GNAS: variants seen among roughly 807,000 people sequenced by gnomAD.
The protein encoded by GNAS is GNAS complex locus.
A neutral mutation model predicts 54.5 loss-of-function variants in GNAS; 8 were observed. The observed-to-expected ratio is 0.15, with a 90% CI of 0.09 to 0.26. GNAS has a LOEUF of 0.26. GNAS is among the 10% of genes least tolerant of loss of function. GNAS has a pLI of 1.00. For missense variants in GNAS, 170 were observed against 529.8 expected (o/e 0.32, Z 6.67); for synonymous variants, 204 against 191.4 (o/e 1.07, Z -0.54).
At chr20:58,903,410 GA>G (rs2090809432) in intron 3 of GNAS, 120 bp from the exon 4 acceptor site, 1 of 877,456 alleles carries the variant, frequency 1.1e-6, no homozygotes, top group African/African-American at 1.7e-5. Flanking sequence ...GCACAGATCC[GA>G]ACCCACAACT....
Position 58,910,958 on chromosome 20 carries a change from A to C in GNAS, c.*129A>C. 2 of 941,902 alleles carry C rather than the reference A, an allele frequency of 2.1e-6. No homozygotes were observed. Among genetic ancestry groups the C allele is most frequent in the Middle Eastern group, 2.1e-4 (1 of 4,730 alleles). The allele number at this position is 941,902 out of a possible 1,614,324, so 58.3% of individuals were successfully genotyped here. ...AGCAACCTTTCCCTTCCCCCGAGTG[A>C]TTTTGCGAAACCCCCTTTTCCCTTC... On this transcript the variant is annotated 3_prime_UTR_variant, in exon 13 of 13. Transcript: ENST00000371085. This position sits in a 1 kb window ranked among gnomAD's most constrained non-coding sequence, Gnocchi z 5.8.
intron 1 of GNAS, among the ~76,000 whole-genome samples, chr20:58,886,164 A>G (rs1261615192): frequency 6.6e-6 from 1 of 152,238 alleles, no homozygotes; most frequent in Non-Finnish European, 1.5e-5. Context: ...TGCCTTTATC[A>G]CCACGAAGCT....
At chr20:58,889,286 T>C, upstream of GNAS, 2 of 996,470 alleles carry the variant, frequency 2.0e-6, no homozygotes, top group Non-Finnish European at 2.4e-6. Flanking sequence ...CGAGCCCCTG[T>C]CCCGGCGCGG....
chr20:58,906,836 G>A (rs138427388), intron 6 of GNAS, among the ~76,000 whole-genome samples: 9 of 152,266 alleles, frequency 5.9e-5, no homozygotes, highest in African/African-American at 2.2e-4. Flanking sequence ...AGCCAAAAAT[G>A]TAAAGATATC....
At position 58,903,558 on chromosome 20, in the gene GNAS, C is replaced by G; in HGVS notation, c.285C>G (p.Ile95Met). 1 of 1,614,132 alleles carries G rather than the reference C, an allele frequency of 6.2e-7. No individual in the cohort carries two copies. Among genetic ancestry groups the G allele is most frequent in the Admixed American group, 1.7e-5 (1 of 60,026 alleles). The change falls in exon 4 of 13, where the codon ATC (isoleucine) becomes ATG (methionine). Residue 95 changes from isoleucine to methionine, a missense_variant. Around this residue, in one of 3 missense-constraint regions of GNAS, gnomAD observed 78 missense variants for 251.1 expected, o/e 0.31. Coordinates refer to ENST00000371085, the MANE Select transcript of GNAS (RefSeq NM_000516.7). ...DGEKATKVQDIKNNLKEAIET... is the reference protein window; with the variant it reads ...DGEKATKVQDMKNNLKEAIET... ...AGAAGGCAACCAAAGTGCAGGACATCAAAAACAACCTGAAAGAGGCGATTG... is the reference window on the plus strand; with the variant it reads ...AGAAGGCAACCAAAGTGCAGGACATGAAAAACAACCTGAAAGAGGCGATTG...
At chr20:58,879,997 C>T (rs2088118949) in intron 1 of GNAS, among the ~76,000 whole-genome samples, 1 of 152,096 alleles carries the variant, frequency 6.6e-6, no homozygotes, top group South Asian at 2.1e-4. Context: ...CTCCCCAACC[C>T]AAACCTTTTA....
Position 58,910,231 on chromosome 20 carries a change from G to A in GNAS, c.971-103G>A, listed in dbSNP as rs1309749620. 1 of 1,259,108 alleles carries A rather than the reference G, an allele frequency of 7.9e-7. No homozygotes were observed. Among genetic ancestry groups the A allele is most frequent in the African/African-American group, 1.5e-5 (1 of 67,992 alleles). 78.0% of individuals were successfully genotyped at this position (1,259,108 alleles called of 1,614,324 possible). On this transcript the variant is annotated intron_variant, in intron 11 of 12. Coordinates refer to ENST00000371085, the MANE Select transcript of GNAS (RefSeq NM_000516.7). This position sits in a 1 kb window ranked among gnomAD's most constrained non-coding sequence, Gnocchi z 5.8. The stretch of plus-strand genomic sequence containing the variant: ...AACGCACTCCCACTAATTCTCATAT[G>A]GAAAAATCAGGGTTTTGAAGACTTC...
rs1058909 is a variant in GNAS, at chr20:58,911,048, A to G, written c.*219A>G. The stretch of plus-strand genomic sequence containing the variant: ...GCCTACAGAAAAAGGAAAAAAGGCC[A>G]CAAAAGTTCCCTCTCACTTTCAGTA... On this transcript the variant is annotated 3_prime_UTR_variant, in exon 13 of 13. Transcript: ENST00000371085. The G allele has an allele frequency of 2.9e-6, 2 of 678,166 alleles. No individual in the cohort carries two copies. Among genetic ancestry groups the G allele is most frequent in the Non-Finnish European group, 5.4e-6 (2 of 371,970 alleles). The allele number at this position is 678,166 out of a possible 1,614,324, so 42.0% of individuals were successfully genotyped here.
intron 1 of GNAS, chr20:58,843,492 C>T (rs112667697): frequency 3.9e-5 from 6 of 152,436 alleles, no homozygotes; most frequent in African/African-American, 1.4e-4. Flanking sequence ...CTTTGCCCCA[C>T]CCTGCTCAAC....
intron 1 of GNAS, among the ~76,000 whole-genome samples, chr20:58,879,908 A>T (rs966661207): frequency 6.6e-6 from 1 of 152,236 alleles, no homozygotes; most frequent in East Asian, 1.9e-4. Context: ...GCCAGCAAAA[A>T]ATAAGGTTGA....
At chr20:58,899,899 G>A in intron 3 of GNAS, 1 of 717,410 alleles carries the variant, frequency 1.4e-6, no homozygotes, top group Non-Finnish European at 2.6e-6. Flanking sequence ...AAGATATTGG[G>A]GTCTGGGGAC....
Position 58,856,047 on chromosome 20 carries a change from A to C in GNAS, c.43+15161A>C. The stretch of plus-strand genomic sequence containing the variant: ...AGGTGGCGGGGCCTCCCGGGAAATA[A>C]GCGGGGCCCTTGGCCTGGGGGAGCG... On this transcript the variant is annotated intron_variant, in intron 1 of 12. Coordinates refer to the GNAS transcript ENST00000306090. This position sits in a 1 kb window ranked among gnomAD's most constrained non-coding sequence, Gnocchi z 4.2. 1 of 191,634 alleles carries C rather than the reference A, an allele frequency of 5.2e-6. No individual in the cohort carries two copies. The highest frequency in any genetic ancestry group is 1.3e-4 in the East Asian group (1 of 7,920). The allele number at this position is 191,634 out of a possible 1,614,324, so 11.9% of individuals were successfully genotyped here.
chr20:58,887,292 G>A (rs2088655786), upstream of GNAS, among the ~76,000 whole-genome samples: 1 of 152,214 alleles, frequency 6.6e-6, no homozygotes, highest in Non-Finnish European at 1.5e-5. Context: ...TGAACAAATG[G>A]AGCATAACAA....
At chr20:58,907,538 G>A (rs527827334) in intron 6 of GNAS, among the ~76,000 whole-genome samples, 1 of 152,218 alleles carries the variant, frequency 6.6e-6, no homozygotes, top group Admixed American at 6.5e-5. Context: ...ATGCTGGGGG[G>A]GCAGGGAGAC....
At position 58,910,456 on chromosome 20, in the gene GNAS, A is replaced by T. The variant is rs2091363620; in HGVS notation, c.1038+55A>T. 1 of 1,386,952 alleles carries T rather than the reference A, an allele frequency of 7.2e-7. No homozygotes were observed. Among genetic ancestry groups the T allele is most frequent in the Non-Finnish European group, 1.0e-6 (1 of 973,714 alleles). The allele number at this position is 1,386,952 out of a possible 1,614,324, so 85.9% of individuals were successfully genotyped here. On this transcript the variant is annotated intron_variant, in intron 12 of 12. Transcript: ENST00000371085. This position sits in a 1 kb window ranked among gnomAD's most constrained non-coding sequence, Gnocchi z 5.8. ...CTTGTTCCTCCTCTTTTTCTCATGG[A>T]TGTAAATTTACTTAATTCCAAATTC...
intron 3 of GNAS, among the ~76,000 whole-genome samples, chr20:58,900,727 C>A (rs1392573036): frequency 1.3e-5 from 2 of 152,182 alleles, no homozygotes; most frequent in Non-Finnish European, 2.9e-5. Context: ...CTCTGAATTT[C>A]ACAATCAACG....
chr20:58,847,641 C>T (rs1176258365), intron 1 of GNAS, among the ~76,000 whole-genome samples: 1 of 152,204 alleles, frequency 6.6e-6, no homozygotes, highest in Non-Finnish European at 1.5e-5. Flanking sequence ...AGAGAAGGCA[C>T]TTCTGCAAAC....
upstream of GNAS, chr20:58,891,283 TC>T (rs2089247524): frequency 7.2e-6 from 1 of 139,790 alleles, no homozygotes; most frequent in African/African-American, 2.6e-5. Context: ...CTCCTCCTCC[TC>T]CTCCTCCTTC....
At chr20:58,890,302 G>GCGC (rs1243389839), upstream of GNAS, among the ~76,000 whole-genome samples, 2 of 147,726 alleles carry the variant, frequency 1.4e-5, no homozygotes, top group South Asian at 2.2e-4. Flanking sequence ...GCCGAGGAGG[G>GCGC]CGCCGTCGGG....
Sources: allele counts gnomAD v4.1 joint callset (sites outside exome capture counted in the v4.1 genomes callset), GRCh38; gene constraint gnomAD v4.1.1; regional missense constraint gnomAD v4.1.1; non-coding constraint Gnocchi (gnomAD v3.1); transcripts MANE v1.5; gene names NCBI Gene and HGNC (gene_info 2026-07-23, HGNC 2026-07-21).